CRY2: variants seen among roughly 807,000 people sequenced by gnomAD.
CRY2 encodes the protein cryptochrome-2.
In CRY2, 31 loss-of-function variants were observed where a neutral mutation model predicts 69.5. The observed-to-expected ratio is 0.45, with a 90% CI of 0.34 to 0.60. CRY2 has a LOEUF of 0.60. CRY2 is among the 20% of genes least tolerant of loss of function. The probability of loss-of-function intolerance (pLI) is 0.02; values close to 1 mark genes in which losing one functional copy is unlikely to be tolerated. For missense variants in CRY2, 606 were observed against 797.8 expected (o/e 0.76, Z 2.90); for synonymous variants, 303 against 312.2 (o/e 0.97, Z 0.31).
At chr11:45,862,460 A>T (rs953615339) in intron 5 of CRY2, among the ~76,000 whole-genome samples, 1 of 152,244 alleles carries the variant, frequency 6.6e-6, no homozygotes, top group South Asian at 2.1e-4. Flanking sequence ...ATTGAGGCTT[A>T]GAGAGGTTAA....
Position 45,882,819 on chromosome 11 carries a change from C to T in CRY2, c.*1908C>T, listed in dbSNP as rs996275062. On this transcript the variant is annotated 3_prime_UTR_variant, in exon 12 of 12. Coordinates refer to ENST00000616080, the MANE Select transcript of CRY2 (RefSeq NM_021117.5). ...ATTTAGTATTCACTAGCAGCGCCTTCGGGTAGCAGGATGATTCCTTTTCCT... is the reference window on the plus strand; with the variant it reads ...ATTTAGTATTCACTAGCAGCGCCTTTGGGTAGCAGGATGATTCCTTTTCCT... The T allele has an allele frequency of 6.5e-5, 26 of 398,138 alleles. No homozygotes were observed. Among genetic ancestry groups the T allele is most frequent in the African/African-American group, 3.1e-4 (15 of 48,764 alleles). 24.7% of individuals were successfully genotyped at this position (398,138 alleles called of 1,614,324 possible). A position where few individuals can be genotyped will look rare whatever the true frequency, so the allele number is the denominator to read the frequency against.
Position 45,869,511 on chromosome 11 carries a change from G to A in CRY2, c.888G>A (p.Lys296=). Residue 296 remains lysine (K), a synonymous_variant, in exon 7 of 12, where the codon AAG becomes AAA. Coordinates refer to ENST00000616080, the MANE Select transcript of CRY2 (RefSeq NM_021117.5). ...GTGCCACCCCTACCTCTCAGGTGAA[G>A]CGGAACAGCACACCTCCCCTCTCCC... ...YRLWDLYKKV[K]RNSTPPLSLF... The A allele has an allele frequency of 6.2e-7, 1 of 1,605,700 alleles. No individual in the cohort carries two copies. The highest frequency in any genetic ancestry group is 8.5e-7 in the Non-Finnish European group (1 of 1,174,430).
rs544397407 is a variant in CRY2 at position 45,865,752 on chromosome 11, A to G, written c.742-1860A>G. Among the ~76,000 whole-genome samples the G allele has an allele frequency of 2.2e-4, 33 of 152,300 alleles. No homozygotes were observed. In the South Asian group the frequency reaches 5.8e-3, roughly 27 times the overall value. ...CCACCCTGACCCTGTCTCAAAAAAA[A>G]GGGGCAAGAGACAGAGCTGGAAAGG... On this transcript the variant is annotated intron_variant, in intron 5 of 11. Transcript: ENST00000616080.
intron 11 of CRY2, among the ~76,000 whole-genome samples, chr11:45,875,115 G>T (rs1312755411): frequency 6.6e-6 from 1 of 152,224 alleles, no homozygotes; most frequent in Non-Finnish European, 1.5e-5. Flanking sequence ...CCATTTTCTG[G>T]GTGAAGCCCA....
At position 45,872,244 on chromosome 11, in the gene CRY2, G is replaced by A. The variant is rs1049814159; in HGVS notation, c.*2+11G>A. On this transcript the variant is annotated intron_variant, in intron 11 of 11. Transcript: ENST00000616080. ...CAAGGATGCCTGAGAGTGAGTGACA[G>A]CAGCCTAGATTCAACCTCAGGAAGG... 1 of 1,613,158 alleles carries A rather than the reference G, an allele frequency of 6.2e-7. No homozygotes were observed.
At chr11:45,876,146 A>G (rs2086422673) in intron 11 of CRY2, among the ~76,000 whole-genome samples, 1 of 152,158 alleles carries the variant, frequency 6.6e-6, no homozygotes, top group South Asian at 2.1e-4. Context: ...CCTTTCTGCC[A>G]TGCTTTAGGT....
chr11:45,853,170 A>G (rs2086210344), intron 1 of CRY2, among the ~76,000 whole-genome samples: 1 of 152,218 alleles, frequency 6.6e-6, no homozygotes. Flanking sequence ...CAGTTCCCTC[A>G]TCTATAAAAT....
At chr11:45,861,689 A>G in intron 4 of CRY2, 1 of 246,346 alleles carries the variant, frequency 4.1e-6, no homozygotes, top group South Asian at 4.5e-5. Flanking sequence ...TGATCCACCC[A>G]CATCGGCCTC....
At chr11:45,849,922 C>T (rs2086183178) in intron 1 of CRY2, among the ~76,000 whole-genome samples, 1 of 152,190 alleles carries the variant, frequency 6.6e-6, no homozygotes, top group Non-Finnish European at 1.5e-5. Flanking sequence ...CTGTGCCCAG[C>T]CCCTTTCTCC....
At chr11:45,870,703 G>A (rs367756646) in intron 9 of CRY2, 139 bp from the exon 10 acceptor site, 3 of 1,093,978 alleles carry the variant, frequency 2.7e-6, no homozygotes, top group African/African-American at 3.1e-5. Flanking sequence ...GCCTTCCTGA[G>A]TAGTTGTGGG....
upstream of CRY2, chr11:45,847,263 C>G (rs1369398491): frequency 6.4e-7 from 1 of 1,551,758 alleles, no homozygotes; most frequent in Admixed American, 2.0e-5. Context: ...CCAGCTCCAC[C>G]CGGGCGGACC....
chr11:45,882,959 TCAGGCAGTGCACTC>T lies in CRY2; in HGVS notation c.*2050_*2063del. On this transcript the variant is annotated 3_prime_UTR_variant, in exon 12 of 12. Transcript: ENST00000616080. The stretch of plus-strand genomic sequence containing the variant: ...TTCCCAGATCAACCTGCCAGTGGAG[TCAGGCAGTGCACTC>T]CTGGAGCCAAGAGGGAAGGGCAGGG... 1 of 372,460 alleles carries T rather than the reference TCAGGCAGTGCACTC, an allele frequency of 2.7e-6. No homozygotes were observed. The allele number at this position is 372,460 out of a possible 1,614,324, so 23.1% of individuals were successfully genotyped here.
At chr11:45,870,670 C>T in intron 9 of CRY2, 138 bp downstream of exon 9, 1 of 1,185,042 alleles carries the variant, frequency 8.4e-7, no homozygotes, top group Non-Finnish European at 1.2e-6. Flanking sequence ...GGGTATGGGA[C>T]ACTGCAGGCT....
intron 1 of CRY2, among the ~76,000 whole-genome samples, chr11:45,854,246 C>G (rs1265712628): frequency 6.6e-6 from 1 of 152,184 alleles, no homozygotes; most frequent in Non-Finnish European, 1.5e-5. Flanking sequence ...GCAGATTGAC[C>G]TGTGGGTTCT....
chr11:45,874,514 A>G (rs1002043490), intron 11 of CRY2, among the ~76,000 whole-genome samples: 10 of 152,214 alleles, frequency 6.6e-5, no homozygotes, highest in Non-Finnish European at 1.5e-4. Flanking sequence ...TTCCGTACAC[A>G]TGTCAAGAGC....
In CRY2 at chr11:45,861,937, A is replaced by G. The variant is rs1343763833; in HGVS notation, c.653-123A>G. On this transcript the variant is annotated intron_variant, in intron 4 of 11. Coordinates refer to ENST00000616080, the MANE Select transcript of CRY2 (RefSeq NM_021117.5). ...AACGCTAAAACTTTAAGGATTATCT[A>G]ACCCCCAGTAGCACCGAGACACTGT... 3 of 799,860 alleles carry G rather than the reference A, an allele frequency of 3.8e-6. No individual in the cohort carries two copies. In the African/African-American group the frequency reaches 5.3e-5, roughly 14 times the overall value. 49.5% of individuals were successfully genotyped at this position (799,860 alleles called of 1,614,324 possible). A position where few individuals can be genotyped will look rare whatever the true frequency, so the allele number is the denominator to read the frequency against.
In CRY2 at chr11:45,868,452, A is replaced by G. The variant is rs143995788; in HGVS notation, c.882+700A>G. ...AACCTCAGACTCCTGGGCTCAAGCAATCCCTCTGCCTCAGCCTCTCAAGTA... is the reference window on the plus strand; with the variant it reads ...AACCTCAGACTCCTGGGCTCAAGCAGTCCCTCTGCCTCAGCCTCTCAAGTA... On this transcript the variant is annotated intron_variant, in intron 6 of 11. Transcript: ENST00000616080. Among the ~76,000 whole-genome samples, 927 of 152,212 alleles carry G rather than the reference A, an allele frequency of 6.1e-3. 13 individuals carry two copies. The highest frequency in any genetic ancestry group is 0.02 in the Middle Eastern group (6 of 294).
rs993793480 is a variant in CRY2, at chr11:45,863,245, G to A, written c.741+1097G>A. 8.5e-5 allele frequency among the ~76,000 whole-genome samples: 13 copies of A among 152,214 alleles called. No homozygotes were observed. In the East Asian group the frequency reaches 2.3e-3, roughly 27 times the overall value. Reference sequence around the variant, plus strand: ...GGGCCCAGTTTGAAGACAAAGGTTGGGCCAAGGGGCAGAAGGGTGGAGATG... The same window carrying A: ...GGGCCCAGTTTGAAGACAAAGGTTGAGCCAAGGGGCAGAAGGGTGGAGATG... On this transcript the variant is annotated intron_variant, in intron 5 of 11. Coordinates refer to ENST00000616080, the MANE Select transcript of CRY2 (RefSeq NM_021117.5).
chr11:45,849,076 C>G (rs548568299), intron 1 of CRY2, among the ~76,000 whole-genome samples: 8 of 152,216 alleles, frequency 5.3e-5, no homozygotes, highest in African/African-American at 1.9e-4. Context: ...TGGAATCCGA[C>G]TACCTTCTTG....
Sources: allele counts gnomAD v4.1 joint callset (sites outside exome capture counted in the v4.1 genomes callset), GRCh38; gene constraint gnomAD v4.1.1; transcripts MANE v1.5; gene names NCBI Gene and HGNC (gene_info 2026-07-23, HGNC 2026-07-21).